The following CELF2 variants were observed in gnomAD, a reference collection of about 807,000 sequenced individuals.
The protein encoded by CELF2 is CUG triplet repeat RNA-binding protein 2.
CELF2 carries 8 observed loss-of-function variants against 62.6 expected under a neutral mutation model. That is an observed-to-expected ratio of 0.13 (90% CI 0.07 to 0.23). The LOEUF (loss-of-function observed/expected upper bound fraction) is 0.23, where lower values mean the gene tolerates loss of function less well. CELF2 is among the 10% of genes least tolerant of loss of function. The pLI, the probability that CELF2 is intolerant of heterozygous loss-of-function variation, is 1.00. For missense variants in CELF2, 333 were observed against 671.0 expected, an observed-to-expected ratio of 0.50 and a Z score of 5.56; for synonymous variants, 258 against 250.0, an observed-to-expected ratio of 1.03 and a Z score of -0.30.
chr10:10,790,370 T>G, the CELF2 span, among the ~76,000 whole-genome samples: 2 of 152,142 alleles, frequency 1.3e-5, no homozygotes, highest in Non-Finnish European at 2.9e-5. Flanking sequence ...CTTATATGTA[T>G]GTAGGCTTTG....
the CELF2 span, among the ~76,000 whole-genome samples, chr10:10,683,748 A>ATCTAC: frequency 6.6e-6 from 1 of 152,184 alleles, no homozygotes; most frequent in Admixed American, 6.5e-5. Context: ...GTTATGAAAG[A>ATCTAC]AAAAAACTTA....
At chr10:10,884,572 C>A (rs1591533968) in intron 1 of CELF2, among the ~76,000 whole-genome samples, 1 of 152,170 alleles carries the variant, frequency 6.6e-6, no homozygotes, top group African/African-American at 2.4e-5. Flanking sequence ...ACTTATCCTA[C>A]CCTTTATATG....
rs769037550 is a variant in CELF2 at position 11,207,558 on chromosome 10, G to A, written c.272-9867G>A. On this transcript the variant is annotated intron_variant, in intron 2 of 12. Transcript: ENST00000633077. The surrounding 1 kb of genome is among the most constrained non-coding windows in gnomAD (Gnocchi z 4.1). ...AGGGAAAGTGAGGAAGGATGTTGGT[G>A]GAGCATCGCACGACTGCCTCAGGCG... is the stretch of plus-strand genomic sequence containing the variant. Among the ~76,000 whole-genome samples the A allele has an allele frequency of 7.2e-5, 11 of 152,262 alleles. No individual in the cohort carries two copies. Among genetic ancestry groups the A allele is most frequent in the East Asian group, 1.9e-4 (1 of 5,206 alleles).
At chr10:11,033,570 T>A (rs2060486605) in intron 1 of CELF2, among the ~76,000 whole-genome samples, 1 of 152,232 alleles carries the variant, frequency 6.6e-6, no homozygotes, top group African/African-American at 2.4e-5. Flanking sequence ...GGGCACATTT[T>A]TGACAGGTTA....
chr10:10,790,271 G>T, the CELF2 span, among the ~76,000 whole-genome samples: 1 of 151,720 alleles, frequency 6.6e-6, no homozygotes, highest in East Asian at 1.9e-4. Flanking sequence ...TTATGTATTT[G>T]TTAACGTTTG....
At chr10:11,245,388 C>T (rs976967455) in intron 3 of CELF2, among the ~76,000 whole-genome samples, 1 of 152,198 alleles carries the variant, frequency 6.6e-6, no homozygotes, top group Non-Finnish European at 1.5e-5. Flanking sequence ...ATTATTAATA[C>T]AGTCCTGATT....
At chr10:11,299,961 C>T (rs1173680661) in intron 9 of CELF2, among the ~76,000 whole-genome samples, 1 of 152,196 alleles carries the variant, frequency 6.6e-6, no homozygotes, top group Non-Finnish European at 1.5e-5. Flanking sequence ...CTCTCATTTG[C>T]CCCGCTCGTA....
chr10:11,116,819 C>T (rs1241286456), intron 1 of CELF2, among the ~76,000 whole-genome samples: 1 of 152,186 alleles, frequency 6.6e-6, no homozygotes, highest in Non-Finnish European at 1.5e-5. Context: ...CGGAGAAGTA[C>T]ACTGAACATC....
At chr10:10,793,810 C>T (rs143852007), upstream of CELF2, among the ~76,000 whole-genome samples, 1,075 of 152,188 alleles carry the variant, frequency 7.1e-3, 17 homozygotes, top group African/African-American at 0.024. Context: ...TAGTCAATAA[C>T]GTCAGAGGTA....
At chr10:10,546,350 G>T in the CELF2 span, among the ~76,000 whole-genome samples, 10 of 152,154 alleles carry the variant, frequency 6.6e-5, 1 homozygote, top group South Asian at 1.2e-3. Flanking sequence ...CTTTTGTTCA[G>T]AGTTCAGGTT....
chr10:10,683,783 A>T, the CELF2 span, among the ~76,000 whole-genome samples: 3 of 152,214 alleles, frequency 2.0e-5, no homozygotes, highest in African/African-American at 4.8e-5. Context: ...AAGTGTGTTC[A>T]TTAATATTAG....
intron 1 of CELF2, among the ~76,000 whole-genome samples, chr10:11,068,143 G>A (rs2068663604): frequency 6.6e-6 from 1 of 152,222 alleles, no homozygotes; most frequent in South Asian, 2.1e-4. Flanking sequence ...AACCTACTGT[G>A]TGTCATGTCT....
chr10:10,522,851 T>G, the CELF2 span, among the ~76,000 whole-genome samples: 1 of 152,190 alleles, frequency 6.6e-6, no homozygotes, highest in Non-Finnish European at 1.5e-5. Flanking sequence ...ATTACAGGCA[T>G]AAGCCACCGT....
chr10:11,245,336 C>T (rs549492056), intron 3 of CELF2, among the ~76,000 whole-genome samples: 1 of 152,292 alleles, frequency 6.6e-6, no homozygotes, highest in East Asian at 1.9e-4. Context: ...TGTATGTGAT[C>T]AGAAATCTGT....
the CELF2 span, among the ~76,000 whole-genome samples, chr10:10,709,205 T>C: frequency 6.6e-6 from 1 of 152,228 alleles, no homozygotes; most frequent in Non-Finnish European, 1.5e-5. Flanking sequence ...ATGGCTGCTA[T>C]GAATTTGAAT....
At chr10:10,786,394 C>T in the CELF2 span, among the ~76,000 whole-genome samples, 1 of 151,778 alleles carries the variant, frequency 6.6e-6, no homozygotes, top group Non-Finnish European at 1.5e-5. Context: ...CCCTGGACTA[C>T]CACATCAGGA....
intron 1 of CELF2, among the ~76,000 whole-genome samples, chr10:10,834,984 C>T (rs574243549): frequency 1.3e-3 from 195 of 152,222 alleles, no homozygotes; most frequent in African/African-American, 4.5e-3. Flanking sequence ...TCTGTCTCTC[C>T]TACCTTCTTA....
chr10:11,165,728 G>T lies in CELF2; in HGVS notation c.271+46G>T. The T allele has an allele frequency of 6.5e-7, 1 of 1,543,790 alleles. No homozygotes were observed. ...GTCGCCAGGCGTCCAGGTGGGCGTC[G>T]CGGGGCACTGGGGCTGTCCGAGCCC... On this transcript the variant is annotated intron_variant, in intron 2 of 12. Transcript: ENST00000633077. The surrounding 1 kb of genome is among the most constrained non-coding windows in gnomAD (Gnocchi z 7.4).
chr10:10,923,382 A>G (rs1299498234), intron 2 of CELF2, among the ~76,000 whole-genome samples: 4 of 152,216 alleles, frequency 2.6e-5, no homozygotes, highest in African/African-American at 4.8e-5. Context: ...CACGGGTTGC[A>G]TAAGGGTGGA....
Sources: gnomAD v4.1 joint callset for allele counts (sites outside exome capture counted in the v4.1 genomes callset) on GRCh38, gnomAD v4.1.1 for gene constraint, Gnocchi (gnomAD v3.1) non-coding constraint, MANE v1.5 for transcripts, NCBI Gene and HGNC (gene_info 2026-07-23, HGNC 2026-07-21) for gene names.